SMPX: variants seen among roughly 807,000 people sequenced by gnomAD.
SMPX encodes the protein small muscular protein.
In SMPX, 2 loss-of-function variants were observed where a neutral mutation model predicts 6.3. The observed-to-expected ratio is 0.32, with a 90% CI of 0.13 to 0.99. The LOEUF is 0.99. Ranked by LOEUF, SMPX falls within the 50% of genes least tolerant of loss-of-function variation. The pLI is 0.49. For missense variants in SMPX, 60 were observed against 66.8 expected (o/e 0.90, Z 0.36); for synonymous variants, 32 against 24.7 (o/e 1.30, Z -0.88).
At chrX:21,741,872 C>T (rs962845357) in intron 3 of SMPX, among the ~76,000 whole-genome samples, 1 of 112,057 alleles carries the variant, frequency 8.9e-6, no homozygotes, top group African/African-American at 3.2e-5. Flanking sequence ...ACTAGTTGGC[C>T]ATTTGTATAC....
In SMPX at chrX:21,754,304, T is replaced by TA. The variant is rs748282018; in HGVS notation, c.-12-3dup. The TA allele has an allele frequency of 8.8e-5, 105 of 1,194,103 alleles. No homozygotes were observed. The South Asian group carries it at 1.6e-3, about 18-fold the overall frequency. ...CGACATATTCATGCAGTCTTATCCC[T>TA]AAAAAAACAAGTAAGAAACTGTTAG... On this transcript the variant is annotated splice_polypyrimidine_tract_variant and splice_region_variant and intron_variant, in intron 1 of 4. Transcript: ENST00000379494.
chrX:21,707,684 G>T (rs767777217), intron 4 of SMPX, among the ~76,000 whole-genome samples: 1 of 112,520 alleles, frequency 8.9e-6, no homozygotes, highest in Non-Finnish European at 1.9e-5. Context: ...TTGAGCCTAT[G>T]CCTCAAAAGG....
intron 2 of SMPX, among the ~76,000 whole-genome samples, chrX:21,751,848 A>T (rs1288447721): frequency 1.8e-5 from 2 of 112,399 alleles, no homozygotes; most frequent in Non-Finnish European, 3.8e-5. Context: ...TGTTCCAGAC[A>T]AGACTAACCT....
intron 2 of SMPX, among the ~76,000 whole-genome samples, chrX:21,750,943 T>G (rs558502511): frequency 1.8e-5 from 2 of 112,425 alleles, no homozygotes; most frequent in Admixed American, 9.4e-5. Flanking sequence ...AATAGTATGA[T>G]TGTCCCCATT....
intron 4 of SMPX, among the ~76,000 whole-genome samples, chrX:21,715,130 CA>C (rs983092008): frequency 1.8e-5 from 2 of 111,195 alleles, no homozygotes; most frequent in Non-Finnish European, 3.8e-5. Flanking sequence ...AAGCTATCAT[CA>C]AATGATTTAA....
At chrX:21,708,983 CAG>C (rs2092775787) in intron 4 of SMPX, among the ~76,000 whole-genome samples, 2 of 112,683 alleles carry the variant, frequency 1.8e-5, no homozygotes, top group Admixed American at 9.3e-5. Flanking sequence ...TCACATATTG[CAG>C]AGTTTCCTTC....
At chrX:21,714,600 C>A (rs1212699764) in intron 4 of SMPX, among the ~76,000 whole-genome samples, 1 of 111,872 alleles carries the variant, frequency 8.9e-6, no homozygotes, top group Non-Finnish European at 1.9e-5. Context: ...TTAACCCCCC[C>A]ACCCTCATCA....
intron 2 of SMPX, among the ~76,000 whole-genome samples, chrX:21,746,659 T>TG (rs1261952565): frequency 3.8e-4 from 41 of 107,999 alleles, no homozygotes; most frequent in Non-Finnish European, 6.2e-4. Flanking sequence ...GGTTTTTTTT[T>TG]TTTTTTTTTT....
At chrX:21,718,489 G>C (rs1319674123) in intron 4 of SMPX, among the ~76,000 whole-genome samples, 6 of 112,019 alleles carry the variant, frequency 5.4e-5, no homozygotes, top group Non-Finnish European at 1.1e-4. Flanking sequence ...ACATTACTTT[G>C]AGCAGTAAAT....
Position 21,706,184 on chromosome X carries a change from G to T in SMPX, c.*225C>A. ...CTCAAAACCACACCCTCCAGGTGTT[G>T]AATTTATGGGCTAATTTGTTCTGTG... On this transcript the variant is annotated 3_prime_UTR_variant, in exon 5 of 5. Coordinates refer to ENST00000379494, the MANE Select transcript of SMPX (RefSeq NM_014332.3). 2.0e-6 allele frequency: 1 copy of T among 511,266 alleles called. No individual in the cohort carries two copies. The highest frequency in any genetic ancestry group is 2.5e-5 in the South Asian group (1 of 40,426). 42.1% of individuals were successfully genotyped at this position (511,266 alleles called of 1,213,427 possible).
At chrX:21,749,875 G>A (rs1035963520) in intron 2 of SMPX, among the ~76,000 whole-genome samples, 1 of 112,139 alleles carries the variant, frequency 8.9e-6, no homozygotes, top group African/African-American at 3.2e-5. Context: ...GGACCAGGGG[G>A]GTGAATTTAC....
At chrX:21,750,649 C>A (rs2092826490) in intron 2 of SMPX, among the ~76,000 whole-genome samples, 2 of 112,294 alleles carry the variant, frequency 1.8e-5, no homozygotes, top group East Asian at 2.8e-4. Flanking sequence ...ATGCCCCTGG[C>A]AGAGATTTAA....
chrX:21,711,009 G>C (rs923472598), intron 4 of SMPX, among the ~76,000 whole-genome samples: 1 of 111,679 alleles, frequency 9.0e-6, no homozygotes, highest in Non-Finnish European at 1.9e-5. Flanking sequence ...CCCGGGTCCC[G>C]GTAGAATTCA....
chrX:21,754,694 T>C (rs776459662), intron 1 of SMPX, among the ~76,000 whole-genome samples: 2 of 112,405 alleles, frequency 1.8e-5, no homozygotes, highest in African/African-American at 6.5e-5. Context: ...ACTGAACTTT[T>C]GATCTGAATT....
intron 4 of SMPX, among the ~76,000 whole-genome samples, chrX:21,718,875 G>A (rs987823666): frequency 8.9e-6 from 1 of 111,818 alleles, no homozygotes; most frequent in African/African-American, 3.3e-5. Flanking sequence ...GTTTTTGAAC[G>A]GATTGAAAAA....
intron 2 of SMPX, among the ~76,000 whole-genome samples, chrX:21,750,380 C>G (rs1449040110): frequency 8.9e-6 from 1 of 111,906 alleles, no homozygotes; most frequent in East Asian, 2.8e-4. Flanking sequence ...AGTCCACCAC[C>G]TGATTTTGTA....
At chrX:21,721,471 T>C (rs2092791643) in intron 4 of SMPX, among the ~76,000 whole-genome samples, 1 of 112,383 alleles carries the variant, frequency 8.9e-6, no homozygotes, top group Non-Finnish European at 1.9e-5. Flanking sequence ...TCAGCAACAT[T>C]CAACCAAAGA....
At chrX:21,710,633 G>A (rs2092777638) in intron 4 of SMPX, among the ~76,000 whole-genome samples, 1 of 111,639 alleles carries the variant, frequency 9.0e-6, no homozygotes, top group Non-Finnish European at 1.9e-5. Context: ...ACCATATTTA[G>A]GAAAATAAAT....
At chrX:21,733,943 C>T (rs2092807825) in intron 4 of SMPX, among the ~76,000 whole-genome samples, 1 of 111,545 alleles carries the variant, frequency 9.0e-6, no homozygotes, top group Non-Finnish European at 1.9e-5. Flanking sequence ...CCATTCCATT[C>T]CCACTGCCTC....
Sources: allele counts gnomAD v4.1 joint callset (sites outside exome capture counted in the v4.1 genomes callset), GRCh38; gene constraint gnomAD v4.1.1; transcripts MANE v1.5; gene names NCBI Gene and HGNC (gene_info 2026-07-23, HGNC 2026-07-21).